The following CYBB variants were observed in gnomAD, a reference collection of about 807,000 sequenced individuals.
The protein encoded by CYBB is NADPH oxidase 2.
A neutral mutation model predicts 46.5 loss-of-function variants in CYBB; 5 were observed. The ratio of observed to expected loss-of-function variants is 0.11; its 90% CI spans 0.06 to 0.23. CYBB has a LOEUF of 0.23. Ranked by LOEUF, CYBB falls within the 10% of genes least tolerant of loss-of-function variation. CYBB has a pLI of 1.00. For missense variants in CYBB, 307 were observed against 428.3 expected, an observed-to-expected ratio of 0.72 and a Z score of 2.50; for synonymous variants, 183 against 156.7, an observed-to-expected ratio of 1.17 and a Z score of -1.26.
intron 3 of CYBB, among the ~76,000 whole-genome samples, chrX:37,784,169 GA>G (rs782460737): frequency 2.7e-5 from 3 of 111,362 alleles, no homozygotes; most frequent in Non-Finnish European, 3.8e-5. Flanking sequence ...CTAGAAGGGG[GA>G]AAAAATAAGT....
chrX:37,799,494 T>C (rs147083599), intron 7 of CYBB, among the ~76,000 whole-genome samples: 15 of 111,441 alleles, frequency 1.3e-4, no homozygotes, highest in African/African-American at 4.6e-4. Flanking sequence ...CATAATACTT[T>C]CTATACAGCT....
At chrX:37,806,892 G>A (rs28611484) in intron 11 of CYBB, among the ~76,000 whole-genome samples, 2 of 103,230 alleles carry the variant, frequency 1.9e-5, no homozygotes, top group African/African-American at 4.1e-5. Flanking sequence ...CTCTCTCTCT[G>A]TCTCTGTGTG....
intron 9 of CYBB, among the ~76,000 whole-genome samples, chrX:37,804,770 C>A (rs1280305672): frequency 6.4e-5 from 7 of 109,260 alleles, no homozygotes; most frequent in African/African-American, 2.0e-4. Context: ...AAAAAAAAAA[C>A]TTGTTCTGAG....
chrX:37,780,274 C>A, intron 1 of CYBB, 152 bp downstream of exon 1: 1 of 491,026 alleles, frequency 2.0e-6, no homozygotes, highest in African/African-American at 2.4e-5. Context: ...CAGACTGAGT[C>A]CATTCTTCCA....
At chrX:37,797,916 TG>T (rs1405813550) in intron 6 of CYBB, among the ~76,000 whole-genome samples, 10 of 111,761 alleles carry the variant, frequency 8.9e-5, no homozygotes, top group Non-Finnish European at 1.7e-4. Context: ...TCATGTAAAA[TG>T]GGGGTAATAA....
Position 37,806,545 on chromosome X carries a change from A to T in CYBB, c.1461+12A>T. ...GGGATGAGTCTCAGGTAAGGACAAGACTCCAAGGCTCAGGTCCTTCCCATA... is the reference window on the plus strand; with the variant it reads ...GGGATGAGTCTCAGGTAAGGACAAGTCTCCAAGGCTCAGGTCCTTCCCATA... On this transcript the variant is annotated intron_variant, in intron 11 of 12. Transcript: ENST00000378588. 2 of 1,205,385 alleles carry T rather than the reference A, an allele frequency of 1.7e-6. No individual in the cohort carries two copies. Among genetic ancestry groups the T allele is most frequent in the Non-Finnish European group, 2.2e-6 (2 of 891,363 alleles).
Position 37,805,887 on chromosome X carries a change from A to G in CYBB, c.1315-500A>G, listed in dbSNP as rs782392895. ...TCAGGCCATTCTAATAACTGTAAAG[A>G]TAAACTCTAATAGGGACATTAAGCC... On this transcript the variant is annotated intron_variant, in intron 10 of 12. Coordinates refer to ENST00000378588, the MANE Select transcript of CYBB (RefSeq NM_000397.4). Among the ~76,000 whole-genome samples the G allele has an allele frequency of 4.5e-5, 5 of 112,345 alleles. No individual in the cohort carries two copies. In the Admixed American group the frequency reaches 4.7e-4, roughly 11 times the overall value.
At chrX:37,785,462 A>C (rs1281873656) in intron 3 of CYBB, among the ~76,000 whole-genome samples, 1 of 112,775 alleles carries the variant, frequency 8.9e-6, no homozygotes, top group Non-Finnish European at 1.9e-5. Context: ...CACTCAATTG[A>C]AAGTTTTATT....
chrX:37,786,690 A>G (rs1929074149), intron 3 of CYBB, among the ~76,000 whole-genome samples: 1 of 111,208 alleles, frequency 9.0e-6, no homozygotes, highest in Non-Finnish European at 1.9e-5. Context: ...GCACACAAAA[A>G]TCTCTGAGGA....
At chrX:37,801,421 A>G in intron 8 of CYBB, 73 bp downstream of exon 8, 1 of 655,967 alleles carries the variant, frequency 1.5e-6, no homozygotes, top group Non-Finnish European at 2.6e-6. Flanking sequence ...CAACTCCTCT[A>G]TATCATTGAT....
intron 6 of CYBB, among the ~76,000 whole-genome samples, chrX:37,797,502 G>T (rs1282753506): frequency 1.8e-5 from 2 of 111,551 alleles, no homozygotes; most frequent in African/African-American, 6.5e-5. Flanking sequence ...CAGTCTCATG[G>T]CTCCGTAGCA....
intron 7 of CYBB, among the ~76,000 whole-genome samples, chrX:37,800,483 CTCTTA>C (rs1181210354): frequency 9.0e-6 from 1 of 111,265 alleles, no homozygotes; most frequent in Admixed American, 9.6e-5. Flanking sequence ...CGGAAGCACT[CTCTTA>C]TCTTTTCCCC....
chrX:37,805,114 C>T lies in CYBB; in HGVS notation c.1260C>T (p.Leu420=), dbSNP rs1186258856. Residue 420 remains leucine, a synonymous_variant, in exon 10 of 13, where the codon CTC becomes CTT. Coordinates refer to ENST00000378588, the MANE Select transcript of CYBB (RefSeq NM_000397.4). ...GGGTCACACCCTTCGCATCCATTCT[C>T]AAGTCAGTCTGGTACAAATATTGCA... ...GIGVTPFASI[L]KSVWYKYCNN... 1 of 1,211,206 alleles carries T rather than the reference C, an allele frequency of 8.3e-7. No individual in the cohort carries two copies. The highest frequency in any genetic ancestry group is 1.1e-6 in the Non-Finnish European group (1 of 895,046).
intron 6 of CYBB, chrX:37,798,171 A>G (rs1460352885): frequency 8.9e-6 from 1 of 111,807 alleles, no homozygotes; most frequent in Non-Finnish European, 1.9e-5. Flanking sequence ...TTCTTCTTAT[A>G]TATTCTGAAG....
Position 37,796,494 on chromosome X carries a change from C to G in CYBB, c.674+353C>G, listed in dbSNP as rs781824455. On this transcript the variant is annotated intron_variant, in intron 6 of 12. Coordinates refer to ENST00000378588, the MANE Select transcript of CYBB (RefSeq NM_000397.4). Reference sequence around the variant, plus strand: ...ATCACTAGTAAATTAAACAAACCTCCAGACTAGAAGAGTTAATGATTAATC... The same window carrying G: ...ATCACTAGTAAATTAAACAAACCTCGAGACTAGAAGAGTTAATGATTAATC... Among the ~76,000 whole-genome samples the G allele has an allele frequency of 7.2e-5, 8 of 111,558 alleles. No homozygotes were observed. The South Asian group carries it at 1.9e-3, about 26-fold the overall frequency.
chrX:37,810,777 T>C lies in CYBB; in HGVS notation c.1587-14T>C, dbSNP rs1159270063. 1 of 1,205,680 alleles carries C rather than the reference T, an allele frequency of 8.3e-7. No individual in the cohort carries two copies. Among genetic ancestry groups the C allele is most frequent in the East Asian group, 3.0e-5 (1 of 33,676 alleles). On this transcript the variant is annotated splice_polypyrimidine_tract_variant and intron_variant, in intron 12 of 12. Transcript: ENST00000378588. ...CCAAAGCTTGAAATTGTCTTTTTTT[T>C]TCTTTCCCAAAAGTACCAGAATAGG...
At chrX:37,792,298 G>T (rs1191427007) in intron 4 of CYBB, among the ~76,000 whole-genome samples, 2 of 111,189 alleles carry the variant, frequency 1.8e-5, no homozygotes, top group African/African-American at 6.5e-5. Flanking sequence ...ATGAAAATAT[G>T]CCATCAGAAA....
At chrX:37,785,272 C>T (rs1198812444) in intron 3 of CYBB, among the ~76,000 whole-genome samples, 1 of 112,162 alleles carries the variant, frequency 8.9e-6, no homozygotes, top group Non-Finnish European at 1.9e-5. Context: ...ATATCTTCCT[C>T]TGAAAAATTC....
At chrX:37,789,418 C>A (rs1929142799) in intron 3 of CYBB, among the ~76,000 whole-genome samples, 1 of 106,315 alleles carries the variant, frequency 9.4e-6, no homozygotes, top group African/African-American at 3.5e-5. Flanking sequence ...CACAAGGACT[C>A]TCAGAAACTA....
Sources: allele counts gnomAD v4.1 joint callset (sites outside exome capture counted in the v4.1 genomes callset), GRCh38; gene constraint gnomAD v4.1.1; transcripts MANE v1.5; gene names NCBI Gene and HGNC (gene_info 2026-07-23, HGNC 2026-07-21).